Variants in COPS8 observed in about 807,000 individuals in gnomAD.
The protein encoded by COPS8 is COP9 signalosome complex subunit 8.
COPS8 carries 11 observed loss-of-function variants against 31.5 expected under a neutral mutation model. That is an observed-to-expected ratio of 0.35 (90% confidence interval 0.22 to 0.58). The LOEUF is 0.58. Among genes scored for constraint, COPS8 ranks in the 20% least tolerant of loss-of-function variants. The pLI is 0.83. For synonymous variants in COPS8, 81 were observed against 89.3 expected (o/e 0.91, Z 0.52); for missense variants, 215 against 255.1 (o/e 0.84, Z 1.07).
rs1338991491 is a variant in COPS8 at position 237,099,333 on chromosome 2, A to G, written c.*1591A>G. ...ATTGGGGGATATATACAAAATGAAT[A>G]TAATAGTTCCCTAAAGAGGAAGGAG... On this transcript the variant is annotated 3_prime_UTR_variant, in exon 8 of 8. Transcript: ENST00000354371. 10 of 152,098 alleles carry G rather than the reference A, an allele frequency of 6.6e-5. No individual in the cohort carries two copies. Among genetic ancestry groups the G allele is most frequent in the African/African-American group, 2.4e-4 (10 of 41,356 alleles). 9.4% of individuals were successfully genotyped at this position (152,098 alleles called of 1,614,324 possible).
At chr2:237,089,345 A>G (rs1696669309) in intron 3 of COPS8, among the ~76,000 whole-genome samples, 1 of 152,020 alleles carries the variant, frequency 6.6e-6, no homozygotes, top group Non-Finnish European at 1.5e-5. Context: ...AATATTCCTC[A>G]GCTTCTTTGG....
chr2:237,089,775 A>G, intron 3 of COPS8, 87 bp from the exon 4 acceptor site: 3 of 1,313,570 alleles, frequency 2.3e-6, no homozygotes, highest in African/African-American at 1.5e-5. Flanking sequence ...ACAAGTTTTT[A>G]TATCATTTCT....
At chr2:237,090,540 G>A (rs1371207861) in intron 4 of COPS8, among the ~76,000 whole-genome samples, 1 of 152,068 alleles carries the variant, frequency 6.6e-6, no homozygotes, top group African/African-American at 2.4e-5. Flanking sequence ...CAGTCCTCCT[G>A]GTTCACTCTT....
At chr2:237,086,337 C>T (rs1284417285) in intron 1 of COPS8, among the ~76,000 whole-genome samples, 3 of 152,086 alleles carry the variant, frequency 2.0e-5, no homozygotes, top group Admixed American at 1.3e-4. Context: ...TCTTTCCTTC[C>T]CAGTATCGGG....
intron 1 of COPS8, chr2:237,086,907 G>A (rs1696627351): frequency 4.7e-6 from 2 of 426,070 alleles, no homozygotes; most frequent in Admixed American, 4.2e-5. Flanking sequence ...AGCTGATGAC[G>A]AATATAAACT....
rs752670362 is a variant in COPS8, at chr2:237,085,931, T to C, written c.-34T>C. On this transcript the variant is annotated 5_prime_UTR_variant, in exon 1 of 8. Coordinates refer to ENST00000354371, the MANE Select transcript of COPS8 (RefSeq NM_006710.5). ...TGAGGGACAGTCTGGGGTTTGGCTG[T>C]CCGGACGGTGCAGCGGCGAGGCCGG... 4.4e-6 allele frequency: 7 copies of C among 1,602,896 alleles called. No individual in the cohort carries two copies. Among genetic ancestry groups the C allele is most frequent in the Non-Finnish European group, 6.0e-6 (7 of 1,173,624 alleles).
intron 4 of COPS8, among the ~76,000 whole-genome samples, chr2:237,091,180 T>C (rs1696700362): frequency 6.6e-6 from 1 of 152,104 alleles, no homozygotes; most frequent in African/African-American, 2.4e-5. Context: ...CGGAGCCGCC[T>C]CTCACTGAAT....
intron 3 of COPS8, among the ~76,000 whole-genome samples, chr2:237,089,464 T>C (rs1355990823): frequency 6.6e-6 from 1 of 152,188 alleles, no homozygotes; most frequent in Admixed American, 6.5e-5. Context: ...AGAGTCTCTA[T>C]TGTTAACCAT....
In COPS8 at chr2:237,099,543, A is replaced by G. The variant is rs772541231; in HGVS notation, c.*1801A>G. Reference sequence around the variant, plus strand: ...TTTTATTATTAAAAGTATAGATTAAATTAATAATCATGTAACATTAGACCC... The same window carrying G: ...TTTTATTATTAAAAGTATAGATTAAGTTAATAATCATGTAACATTAGACCC... On this transcript the variant is annotated 3_prime_UTR_variant, in exon 8 of 8. Coordinates refer to ENST00000354371, the MANE Select transcript of COPS8 (RefSeq NM_006710.5). 9.2e-5 allele frequency: 14 copies of G among 152,186 alleles called. No individual in the cohort carries two copies. Among genetic ancestry groups the G allele is most frequent in the Non-Finnish European group, 1.2e-4 (8 of 68,014 alleles). 9.4% of individuals were successfully genotyped at this position (152,186 alleles called of 1,614,324 possible). A position where few individuals can be genotyped will look rare whatever the true frequency, so the allele number is the denominator to read the frequency against.
intron 6 of COPS8, 178 bp from the exon 7 acceptor site, chr2:237,096,644 A>C: frequency 1.5e-6 from 1 of 647,186 alleles, no homozygotes; most frequent in Admixed American, 2.8e-5. Context: ...GATCCCAGTC[A>C]AGTGAGATAG....
intron 4 of COPS8, 77 bp downstream of exon 4, chr2:237,090,071 CAGT>C (rs943497142): frequency 2.9e-5 from 42 of 1,445,886 alleles, no homozygotes; most frequent in Admixed American, 1.9e-4. Flanking sequence ...AGTAATAAAT[CAGT>C]GGTGTGTGTT....
rs1696870519 is a variant in COPS8, at chr2:237,100,201, G to C, written c.*2459G>C. The C allele has an allele frequency of 6.6e-6, 1 of 152,148 alleles. No individual in the cohort carries two copies. Among genetic ancestry groups the C allele is most frequent in the Non-Finnish European group, 1.5e-5 (1 of 68,028 alleles). The allele number at this position is 152,148 out of a possible 1,614,324, so 9.4% of individuals were successfully genotyped here. A position where few individuals can be genotyped will look rare whatever the true frequency, so the allele number is the denominator to read the frequency against. On this transcript the variant is annotated 3_prime_UTR_variant, in exon 8 of 8. Coordinates refer to ENST00000354371, the MANE Select transcript of COPS8 (RefSeq NM_006710.5). The stretch of plus-strand genomic sequence containing the variant: ...CATGGAAATATATATCAATGCTGTT[G>C]AGACCACAGGGTAAGAAATTGAGAT...
intron 2 of COPS8, 141 bp downstream of exon 2, chr2:237,087,338 A>G (rs6727123): frequency 0.013 from 7,647 of 580,012 alleles, 405 homozygotes; most frequent in African/African-American, 0.12. Context: ...TCTATTTCCT[A>G]TTGAATCATA....
chr2:237,090,057 T>C (rs562325094), intron 4 of COPS8, 63 bp downstream of exon 4: 1 of 1,529,570 alleles, frequency 6.5e-7, no homozygotes, highest in East Asian at 2.3e-5. Flanking sequence ...TGCTGCAGTG[T>C]TGAAGTAATA....
In COPS8 at chr2:237,098,483, C is replaced by T. The variant is rs994222734; in HGVS notation, c.*741C>T. 6.6e-5 allele frequency: 10 copies of T among 152,226 alleles called. No homozygotes were observed. The highest frequency in any genetic ancestry group is 1.3e-4 in the Non-Finnish European group (9 of 68,048). The allele number at this position is 152,226 out of a possible 1,614,324, so 9.4% of individuals were successfully genotyped here. ...AAAGAAGCTATGAAGATACATGATA[C>T]ACTTTGTACAACTATCCTGCAGCCC... On this transcript the variant is annotated 3_prime_UTR_variant, in exon 8 of 8. Transcript: ENST00000354371.
rs1328319004 is a variant in COPS8, at chr2:237,093,973, G to A, written c.332-117G>A. On this transcript the variant is annotated intron_variant, in intron 4 of 7. Transcript: ENST00000354371. Reference sequence around the variant, plus strand: ...TGTATCTATAAGCACAGAAATCTTTGGGTTCATCTGGCCTTGCTTATGAAA... The same window carrying A: ...TGTATCTATAAGCACAGAAATCTTTAGGTTCATCTGGCCTTGCTTATGAAA... 8 of 1,460,038 alleles carry A rather than the reference G, an allele frequency of 5.5e-6. No homozygotes were observed. The Admixed American group carries it at 1.8e-4, about 32-fold the overall frequency. The allele number at this position is 1,460,038 out of a possible 1,614,324, so 90.4% of individuals were successfully genotyped here. A position where few individuals can be genotyped will look rare whatever the true frequency, so the allele number is the denominator to read the frequency against.
At position 237,087,183 on chromosome 2, in the gene COPS8, G is replaced by A. The variant is rs199763997; in HGVS notation, c.135G>A (p.Leu45=). Residue 45 remains leucine (L), a synonymous_variant, in exon 2 of 8, where the codon TTG becomes TTA. Transcript: ENST00000354371. The part of the protein sequence containing the change: ...PVYGQLLALY[L]LHNDMNNARY... The stretch of plus-strand genomic sequence containing the variant: ...ATGGTCAGCTTCTAGCTTTATATTT[G>A]CTCCATAATGACATGTAAGTATGTT... 18 of 1,607,802 alleles carry A rather than the reference G, an allele frequency of 1.1e-5. No individual in the cohort carries two copies. The highest frequency in any genetic ancestry group is 8.5e-7 in the Non-Finnish European group (1 of 1,177,526).
rs775047015 is a variant in COPS8 at position 237,088,616 on chromosome 2, G to T, written c.161G>T (p.Arg54Ile). 3 of 1,592,516 alleles carry T rather than the reference G, an allele frequency of 1.9e-6. No homozygotes were observed. ...YLLHNDMNNA[R>I]YLWKRIPPAI... Reference sequence around the variant, plus strand: ...GTGGCGTAAATTAGGAATAATGCAAGATATCTTTGGAAAAGAATACCACCT... The same window carrying T: ...GTGGCGTAAATTAGGAATAATGCAATATATCTTTGGAAAAGAATACCACCT... Residue 54 changes from arginine to isoleucine, a missense_variant, in exon 3 of 8, where the codon AGA becomes ATA. Physicochemically the swap from Arg to Ile is moderately conservative, Grantham distance 97. Coordinates refer to ENST00000354371, the MANE Select transcript of COPS8 (RefSeq NM_006710.5).
intron 4 of COPS8, 50 bp from the exon 5 acceptor site, chr2:237,094,040 A>G: frequency 6.3e-7 from 1 of 1,593,248 alleles, no homozygotes; most frequent in Non-Finnish European, 8.6e-7. Flanking sequence ...TGTGCTTTGA[A>G]AATGCTGCTC....
Sources: gnomAD v4.1 joint callset for allele counts (sites outside exome capture counted in the v4.1 genomes callset) on GRCh38, gnomAD v4.1.1 for gene constraint, MANE v1.5 for transcripts, NCBI Gene and HGNC (gene_info 2026-07-23, HGNC 2026-07-21) for gene names.